Variants in NEGR1 observed in about 807,000 individuals in gnomAD.
NEGR1 encodes the protein IgLON family member 4.
A neutral mutation model predicts 40.9 loss-of-function variants in NEGR1; 10 were observed. The observed-to-expected ratio is 0.24, with a 90% confidence interval of 0.15 to 0.42. The LOEUF (loss-of-function observed/expected upper bound fraction) is 0.42, where lower values mean the gene tolerates loss of function less well. Among genes scored for constraint, NEGR1 ranks in the 10% least tolerant of loss-of-function variants. The pLI is 1.00. For synonymous variants in NEGR1, 185 were observed against 166.8 expected (o/e 1.11, Z -0.84); for missense variants, 352 against 438.9 (o/e 0.80, Z 1.77).
chr1:71,464,427 G>T (rs1200467109), intron 6 of NEGR1, among the ~76,000 whole-genome samples: 3 of 152,036 alleles, frequency 2.0e-5, no homozygotes, highest in African/African-American at 7.2e-5. Context: ...ACAGTTATGA[G>T]AAAGATAAAG....
intron 6 of NEGR1, among the ~76,000 whole-genome samples, chr1:71,476,270 T>G (rs1455812597): frequency 6.6e-6 from 1 of 152,146 alleles, no homozygotes; most frequent in Non-Finnish European, 1.5e-5. Context: ...ATTGTAGAAT[T>G]ATTTCTTGAC....
chr1:71,628,738 A>C (rs999424856), intron 4 of NEGR1, among the ~76,000 whole-genome samples: 4 of 152,004 alleles, frequency 2.6e-5, no homozygotes, highest in Admixed American at 2.6e-4. Context: ...TGCAAAGGAC[A>C]TGAACTCATC....
intron 2 of NEGR1, among the ~76,000 whole-genome samples, chr1:71,799,105 T>C (rs544236403): frequency 6.6e-6 from 1 of 152,108 alleles, no homozygotes; most frequent in East Asian, 1.9e-4. Context: ...GCAGGTTTAT[T>C]ACATAGGTAT....
chr1:71,558,018 A>G (rs540183225), intron 6 of NEGR1, among the ~76,000 whole-genome samples: 1 of 151,636 alleles, frequency 6.6e-6, no homozygotes, highest in South Asian at 2.1e-4. Flanking sequence ...GACTCAACTT[A>G]TGTATTTGAG....
intron 1 of NEGR1, among the ~76,000 whole-genome samples, chr1:72,161,312 T>C (rs992510410): frequency 2.0e-5 from 3 of 152,042 alleles, no homozygotes; most frequent in African/African-American, 7.2e-5. Context: ...GATTTAGGTT[T>C]GTGGTGGCTT....
chr1:71,486,692 CA>C (rs1646890204), intron 6 of NEGR1: 1 of 151,406 alleles, frequency 6.6e-6, no homozygotes, highest in Non-Finnish European at 1.5e-5. Flanking sequence ...ATACATCAGC[CA>C]TTTTATGCTC....
intron 6 of NEGR1, chr1:71,468,638 A>T (rs1209529236): frequency 6.6e-6 from 1 of 152,028 alleles, no homozygotes; most frequent in African/African-American, 2.4e-5. Flanking sequence ...TCTAATTTAT[A>T]TTTTTTATGA....
chr1:72,213,396 T>C (rs897075137), intron 1 of NEGR1, among the ~76,000 whole-genome samples: 3 of 151,928 alleles, frequency 2.0e-5, no homozygotes, highest in African/African-American at 7.2e-5. Flanking sequence ...CACATGGATT[T>C]GACATAGTGA....
intron 1 of NEGR1, among the ~76,000 whole-genome samples, chr1:72,012,884 T>C (rs957177791): frequency 1.3e-5 from 2 of 149,814 alleles, no homozygotes; most frequent in African/African-American, 4.9e-5. Flanking sequence ...TATATTTTTT[T>C]TTTTGTAGAG....
intron 3 of NEGR1, among the ~76,000 whole-genome samples, chr1:71,742,825 T>C (rs1655257642): frequency 6.6e-6 from 1 of 152,044 alleles, no homozygotes; most frequent in Non-Finnish European, 1.5e-5. Context: ...ATTTTGCAAG[T>C]GAAAAGGACA....
intron 6 of NEGR1, among the ~76,000 whole-genome samples, chr1:71,420,557 C>T (rs1348755366): frequency 6.6e-6 from 1 of 151,874 alleles, no homozygotes. Flanking sequence ...ATTATAATTC[C>T]AGGGTTAAAA....
At chr1:72,223,693 C>T (rs1203127123) in intron 1 of NEGR1, among the ~76,000 whole-genome samples, 2 of 152,070 alleles carry the variant, frequency 1.3e-5, no homozygotes, top group African/African-American at 2.4e-5. Context: ...AAATAAATTA[C>T]AATAATTCTG....
chr1:72,147,598 A>G (rs1251609341), intron 1 of NEGR1, among the ~76,000 whole-genome samples: 1 of 152,066 alleles, frequency 6.6e-6, no homozygotes, highest in Admixed American at 6.6e-5. Context: ...GCCTTCCAAC[A>G]TTCCCCTAAA....
At position 71,854,606 on chromosome 1, in the gene NEGR1, G is replaced by C. The variant is rs541407735; in HGVS notation, c.410-78309C>G. 1.4e-4 allele frequency among the ~76,000 whole-genome samples: 22 copies of C among 152,150 alleles called. 1 individual carries two copies. The highest frequency in any genetic ancestry group is 4.8e-4 in the African/African-American group (20 of 41,534). ...GGGTAAGTTATAAATAAAAGAGGTTGAATTGACCCACAGTTCCACACTGCT... is the reference window on the plus strand; with the variant it reads ...GGGTAAGTTATAAATAAAAGAGGTTCAATTGACCCACAGTTCCACACTGCT... On this transcript the variant is annotated intron_variant, in intron 2 of 6. Transcript: ENST00000357731.
chr1:71,448,119 G>A (rs1205211833), intron 6 of NEGR1, among the ~76,000 whole-genome samples: 17 of 151,994 alleles, frequency 1.1e-4, no homozygotes, highest in Non-Finnish European at 1.2e-4. Context: ...ATCATTGAAA[G>A]GTTATTTGGA....
At chr1:71,989,651 A>T (rs1646432527) in intron 1 of NEGR1, among the ~76,000 whole-genome samples, 1 of 152,340 alleles carries the variant, frequency 6.6e-6, no homozygotes, top group South Asian at 2.1e-4. Context: ...CATATGTGTG[A>T]CCATAAATTG....
chr1:71,453,247 C>G lies in NEGR1; in HGVS notation c.941-45677G>C, dbSNP rs146144494. Among the ~76,000 whole-genome samples, 336 of 152,232 alleles carry G rather than the reference C, an allele frequency of 2.2e-3. 2 individuals carry two copies. The highest frequency in any genetic ancestry group is 7.8e-3 in the African/African-American group (326 of 41,542). ...AGGATATTCTTCAACTAATCTTCTA[C>G]AAGTTCTGTGTCATCTTTATGTTCT... On this transcript the variant is annotated intron_variant, in intron 6 of 6. Transcript: ENST00000357731.
chr1:71,906,815 T>A (rs1281929274), intron 2 of NEGR1, among the ~76,000 whole-genome samples: 1 of 152,118 alleles, frequency 6.6e-6, no homozygotes, highest in Non-Finnish European at 1.5e-5. Context: ...TTTCAGGAGG[T>A]GGCTCTGGAG....
chr1:72,012,842 C>CATATATATATATATATAT (rs375131531), intron 1 of NEGR1, among the ~76,000 whole-genome samples: 26 of 140,184 alleles, frequency 1.9e-4, no homozygotes, highest in African/African-American at 2.6e-4. Flanking sequence ...TATATACATA[C>CATATATATATATATATAT]ATATATATAT....
Sources: allele counts gnomAD v4.1 joint callset (sites outside exome capture counted in the v4.1 genomes callset), GRCh38; gene constraint gnomAD v4.1.1; transcripts MANE v1.5; gene names NCBI Gene and HGNC (gene_info 2026-07-23, HGNC 2026-07-21).